Variants in SRBD1 observed in about 807,000 individuals in gnomAD.
SRBD1 encodes S1 RNA-binding domain-containing protein 1.
In SRBD1, 88 loss-of-function variants were observed where a neutral mutation model predicts 115.3. The observed-to-expected ratio is 0.76, with a 90% confidence interval of 0.64 to 0.91. The LOEUF is 0.91. SRBD1 is among the 40% of genes least tolerant of loss of function. SRBD1 has a pLI of 0.00. For synonymous variants in SRBD1, 509 were observed against 407.7 expected, an observed-to-expected ratio of 1.25 and a Z score of -2.99; for missense variants, 1,385 against 1,177.4, an observed-to-expected ratio of 1.18 and a Z score of -2.58.
At chr2:45,562,481 C>A (rs1344078123) in intron 10 of SRBD1, among the ~76,000 whole-genome samples, 172 bp downstream of exon 10, 1 of 152,216 alleles carries the variant, frequency 6.6e-6, no homozygotes, top group Non-Finnish European at 1.5e-5. Context: ...ATCCACCCCC[C>A]TCAGCCTCCG....
chr2:45,491,702 T>C (rs908970492), intron 14 of SRBD1, among the ~76,000 whole-genome samples: 13 of 152,212 alleles, frequency 8.5e-5, no homozygotes, highest in Admixed American at 3.3e-4. Flanking sequence ...GGATTTTTAT[T>C]TTAAGGAAAC....
At chr2:45,501,699 A>G (rs574212115) in intron 14 of SRBD1, among the ~76,000 whole-genome samples, 2 of 152,178 alleles carry the variant, frequency 1.3e-5, no homozygotes, top group Non-Finnish European at 2.9e-5. Context: ...TTGGTAGCAC[A>G]GCAGTCTGAG....
intron 18 of SRBD1, among the ~76,000 whole-genome samples, chr2:45,414,817 T>TATAGTATGTACACACACAC (rs1667751007): frequency 5.3e-5 from 7 of 133,122 alleles, no homozygotes; most frequent in Non-Finnish European, 7.8e-5. Flanking sequence ...CACACACATA[T>TATAGTATGTACACACACAC]AGTGTGTATA....
intron 16 of SRBD1, among the ~76,000 whole-genome samples, chr2:45,468,721 C>T (rs1225393296): frequency 6.6e-6 from 1 of 152,080 alleles, no homozygotes; most frequent in Non-Finnish European, 1.5e-5. Flanking sequence ...TTCTTAGGTT[C>T]ATTTTAGAGA....
intron 19 of SRBD1, among the ~76,000 whole-genome samples, chr2:45,408,681 A>G (rs1444222432): frequency 6.6e-6 from 1 of 152,214 alleles, no homozygotes; most frequent in Non-Finnish European, 1.5e-5. Flanking sequence ...AAGAGCCACA[A>G]AGACTTTTAA....
At chr2:45,544,365 A>G (rs903647660) in intron 14 of SRBD1, among the ~76,000 whole-genome samples, 4 of 152,208 alleles carry the variant, frequency 2.6e-5, no homozygotes, top group Admixed American at 2.6e-4. Context: ...TTAAATCTTC[A>G]CAGTGGTCAA....
chr2:45,487,614 CAAT>C (rs915808833), intron 15 of SRBD1, among the ~76,000 whole-genome samples: 25 of 152,012 alleles, frequency 1.6e-4, no homozygotes, highest in African/African-American at 5.5e-4. Context: ...TATTTTGTAA[CAAT>C]AATAAAAGAT....
chr2:45,590,319 A>G (rs765583352), intron 4 of SRBD1, among the ~76,000 whole-genome samples: 5 of 152,340 alleles, frequency 3.3e-5, no homozygotes, highest in Admixed American at 6.5e-5. Context: ...AACGAAGACA[A>G]TAACAGCATT....
intron 12 of SRBD1, among the ~76,000 whole-genome samples, chr2:45,549,383 A>C (rs912074979): frequency 2.0e-5 from 3 of 152,058 alleles, no homozygotes; most frequent in Admixed American, 6.6e-5. Flanking sequence ...CCCAGCTTCT[A>C]CTAAAAGTTC....
chr2:45,490,455 T>C (rs1382352946), intron 14 of SRBD1, among the ~76,000 whole-genome samples: 1 of 152,160 alleles, frequency 6.6e-6, no homozygotes, highest in East Asian at 1.9e-4. Flanking sequence ...TATGGAAAAT[T>C]CATTTTTAAA....
chr2:45,426,907 A>G (rs2103659048), intron 16 of SRBD1, among the ~76,000 whole-genome samples: 1 of 152,362 alleles, frequency 6.6e-6, no homozygotes, highest in African/African-American at 2.4e-5. Flanking sequence ...CAGCACAAAA[A>G]GGCTGAAAAT....
At chr2:45,452,940 C>T (rs1022280051) in intron 16 of SRBD1, among the ~76,000 whole-genome samples, 4 of 152,030 alleles carry the variant, frequency 2.6e-5, no homozygotes, top group Non-Finnish European at 5.9e-5. Flanking sequence ...CATTCATCTG[C>T]ATTCCCTGTT....
intron 15 of SRBD1, among the ~76,000 whole-genome samples, chr2:45,478,002 T>A (rs1392887294): frequency 6.6e-6 from 1 of 151,256 alleles, no homozygotes; most frequent in Non-Finnish European, 1.5e-5. Flanking sequence ...AAAATTCACA[T>A]CTAATTTCGT....
chr2:45,567,548 G>A (rs1362961514), intron 9 of SRBD1, among the ~76,000 whole-genome samples: 1 of 151,998 alleles, frequency 6.6e-6, no homozygotes, highest in Non-Finnish European at 1.5e-5. Flanking sequence ...GGCGAAACTT[G>A]CAGTGAGGTG....
In SRBD1 at chr2:45,435,477, A is replaced by C. The variant is rs1325569740; in HGVS notation, c.2050-15583T>G. ...CTGAAGAGCAGTATTCCAGTTACTC[A>C]TATAAGTGACATCTTAAGCATTTAG... On this transcript the variant is annotated intron_variant, in intron 16 of 20. Coordinates refer to ENST00000263736, the MANE Select transcript of SRBD1 (RefSeq NM_018079.5). 2.0e-5 allele frequency among the ~76,000 whole-genome samples: 3 copies of C among 152,114 alleles called. No homozygotes were observed. In the East Asian group the frequency reaches 5.8e-4, roughly 29 times the overall value.
In SRBD1 at chr2:45,539,088, C is replaced by T. The variant is rs149879824; in HGVS notation, c.1874+7644G>A. 2.3e-3 allele frequency among the ~76,000 whole-genome samples: 340 copies of T among 151,090 alleles called. 1 individual carries two copies. The highest frequency in any genetic ancestry group is 8.1e-3 in the African/African-American group (332 of 41,172). ...TTTTTTTATGGTCTTACTTTGGTGT[C>T]GGAAAATAGCAAATTTTACATTTAA... On this transcript the variant is annotated intron_variant, in intron 14 of 20. Transcript: ENST00000263736.
chr2:45,534,601 G>A (rs890792382), intron 14 of SRBD1, among the ~76,000 whole-genome samples: 11 of 151,930 alleles, frequency 7.2e-5, no homozygotes, highest in African/African-American at 2.7e-4. Flanking sequence ...GATGATTTAT[G>A]GTTTTTATCA....
chr2:45,508,879 C>T (rs1451730956), intron 14 of SRBD1, among the ~76,000 whole-genome samples: 1 of 152,016 alleles, frequency 6.6e-6, no homozygotes, highest in Non-Finnish European at 1.5e-5. Context: ...TTTACAGTCA[C>T]AGGCATTCTT....
intron 16 of SRBD1, among the ~76,000 whole-genome samples, chr2:45,444,347 A>G (rs2103719957): frequency 6.6e-6 from 1 of 152,332 alleles, no homozygotes; most frequent in Middle Eastern, 3.4e-3. Flanking sequence ...AGAGATAACA[A>G]TAACAAGCTT....
Sources: allele counts gnomAD v4.1 joint callset (sites outside exome capture counted in the v4.1 genomes callset), GRCh38; gene constraint gnomAD v4.1.1; transcripts MANE v1.5; gene names NCBI Gene and HGNC (gene_info 2026-07-23, HGNC 2026-07-21).